CEP192: variants seen among roughly 807,000 people sequenced by gnomAD.
CEP192 encodes centrosomal protein of 192 kDa.
In CEP192, 151 loss-of-function variants were observed where a neutral mutation model predicts 271.8. That is an observed-to-expected ratio of 0.56 (90% CI 0.49 to 0.64). The LOEUF (loss-of-function observed/expected upper bound fraction) is 0.64, where lower values mean the gene tolerates loss of function less well. Among genes scored for constraint, CEP192 ranks in the 30% least tolerant of loss-of-function variants. The probability of loss-of-function intolerance (pLI) is 0.00; values close to 1 mark genes in which losing one functional copy is unlikely to be tolerated. For missense variants in CEP192, 2,910 were observed against 3,020.5 expected, an observed-to-expected ratio of 0.96 and a Z score of 0.86; for synonymous variants, 995 against 1,076.5, an observed-to-expected ratio of 0.92 and a Z score of 1.48.
chr18:13,002,153 C>T (rs1249723825), intron 3 of CEP192, among the ~76,000 whole-genome samples: 1 of 152,154 alleles, frequency 6.6e-6, no homozygotes, highest in South Asian at 2.1e-4. Flanking sequence ...TGTAATCCCA[C>T]TAACTAGAGA....
In CEP192 at chr18:13,011,640, G is replaced by T. The variant is rs776621403; in HGVS notation, c.467-1333G>T. Among the ~76,000 whole-genome samples the T allele has an allele frequency of 9.9e-5, 15 of 152,018 alleles. No individual in the cohort carries two copies. The South Asian group carries it at 1.7e-3, about 17-fold the overall frequency. On this transcript the variant is annotated intron_variant, in intron 4 of 44. Coordinates refer to ENST00000506447, the MANE Select transcript of CEP192 (RefSeq NM_032142.4). ...CCAGTGATTCTCCTGCCTCAGCCTC[G>T]CAAGTAGCTGGGATTACAGGCATGC...
In CEP192 at chr18:13,059,257, A is replaced by G; in HGVS notation, c.4433A>G (p.Glu1478Gly). ...STDAETIVQAEALASTVTLTA... is the reference protein window; with the variant it reads ...STDAETIVQAGALASTVTLTA... ...GATGCTGAGACCATCGTACAGGCAG[A>G]AGCTTTGGCCAGCACCGTCACTCTC... The change falls in exon 21 of 45, where the codon GAA becomes GGA. Residue 1478 changes from glutamate (E) to glycine (G), a missense_variant. Transcript: ENST00000506447. 1 of 1,614,222 alleles carries G rather than the reference A, an allele frequency of 6.2e-7. No individual in the cohort carries two copies. The highest frequency in any genetic ancestry group is 8.5e-7 in the Non-Finnish European group (1 of 1,180,024).
intron 30 of CEP192, among the ~76,000 whole-genome samples, chr18:13,079,591 G>T (rs1479189483): frequency 1.3e-5 from 2 of 152,152 alleles, no homozygotes; most frequent in Non-Finnish European, 2.9e-5. Context: ...TAGGTTGCCT[G>T]TTCACTCTGA....
In CEP192 at chr18:13,068,120, G is replaced by T. The variant is rs145173434; in HGVS notation, c.4641G>T (p.Thr1547=). 1.2e-6 allele frequency: 2 copies of T among 1,614,064 alleles called. No individual in the cohort carries two copies. The highest frequency in any genetic ancestry group is 1.3e-5 in the African/African-American group (1 of 74,932). ...ACGCTGTAGCCTGGCGCTGTTTCACGTTTTCCAAGGAATCCGTCCGAGCTC... is the reference window on the plus strand; with the variant it reads ...ACGCTGTAGCCTGGCGCTGTTTCACTTTTTCCAAGGAATCCGTCCGAGCTC... ...NANAVAWRCF[T]FSKESVRAPV... is the part of the protein sequence containing the mutation. Residue 1547 remains threonine, a synonymous_variant, in exon 23 of 45, where the codon ACG becomes ACT. Transcript: ENST00000506447.
rs373463615 is a variant in CEP192, at chr18:13,087,006, A to G, written c.5617-11A>G. On this transcript the variant is annotated splice_polypyrimidine_tract_variant and intron_variant, in intron 30 of 44. Transcript: ENST00000506447. Reference sequence around the variant, plus strand: ...CATTAAAATAATTTTGGATATGTATATCTTTTTTAGATACCTTTGTCTGGA... The same window carrying G: ...CATTAAAATAATTTTGGATATGTATGTCTTTTTTAGATACCTTTGTCTGGA... 8 of 1,584,646 alleles carry G rather than the reference A, an allele frequency of 5.0e-6. No homozygotes were observed. The highest frequency in any genetic ancestry group is 2.3e-5 in the South Asian group (2 of 88,420).
chr18:13,050,172 C>T (rs1303973276), intron 17 of CEP192, among the ~76,000 whole-genome samples: 1 of 151,936 alleles, frequency 6.6e-6, no homozygotes, highest in African/African-American at 2.4e-5. Flanking sequence ...CTGGTGAAGA[C>T]TTTGTATCTT....
chr18:13,068,413 A>T lies in CEP192; in HGVS notation c.4813A>T (p.Ser1605Cys). ...VLFHSPKKQI[S>C]SSDILDSAEE... ...TTTCCATAGTCCAAAGAAACAGATCAGCTCTTCAGGTATCATGTTTACACT... is the reference window on the plus strand; with the variant it reads ...TTTCCATAGTCCAAAGAAACAGATCTGCTCTTCAGGTATCATGTTTACACT... Residue 1605 changes from serine (S) to cysteine (C), a missense_variant, in exon 24 of 45, where the codon AGC becomes TGC. Ser to Cys is a moderately radical substitution (Grantham distance 112). Coordinates refer to ENST00000506447, the MANE Select transcript of CEP192 (RefSeq NM_032142.4). The T allele has an allele frequency of 6.2e-7, 1 of 1,610,468 alleles. No homozygotes were observed. The highest frequency in any genetic ancestry group is 1.1e-5 in the South Asian group (1 of 90,554).
intron 1 of CEP192, among the ~76,000 whole-genome samples, chr18:12,995,231 T>G (rs970080643): frequency 2.6e-5 from 4 of 151,848 alleles, no homozygotes; most frequent in Non-Finnish European, 5.9e-5. Context: ...CCGGCTAATT[T>G]TTTTTTTGTA....
At chr18:13,060,037 G>A (rs1477992854) in intron 21 of CEP192, among the ~76,000 whole-genome samples, 1 of 152,204 alleles carries the variant, frequency 6.6e-6, no homozygotes, top group Non-Finnish European at 1.5e-5. Context: ...CAGAATAGAG[G>A]AAAAGCAGAA....
chr18:13,081,305 A>C (rs1336908114), intron 30 of CEP192, among the ~76,000 whole-genome samples: 1 of 152,058 alleles, frequency 6.6e-6, no homozygotes, highest in Non-Finnish European at 1.5e-5. Context: ...TTATTGCCTT[A>C]ATTTTAGAGC....
Position 13,090,829 on chromosome 18 carries a change from A to G in CEP192, c.6103+1264A>G, listed in dbSNP as rs185826152. On this transcript the variant is annotated intron_variant, in intron 33 of 44. Transcript: ENST00000506447. ...AGCTGAACTGTGCTATGGAGATGGA[A>G]CACTAACACTTAGTAACATGGTGCA... Among the ~76,000 whole-genome samples the G allele has an allele frequency of 7.6e-3, 1,159 of 152,278 alleles. 14 individuals are homozygous for G. Among genetic ancestry groups the G allele is most frequent in the South Asian group, 0.029 (141 of 4,818 alleles).
At chr18:13,122,188 C>T (rs1304797279) in intron 44 of CEP192, among the ~76,000 whole-genome samples, 2 of 152,138 alleles carry the variant, frequency 1.3e-5, no homozygotes, top group African/African-American at 2.4e-5. Context: ...CTTTGGGAGG[C>T]GGAGGCGGGT....
intron 9 of CEP192, 102 bp downstream of exon 9, chr18:13,019,308 C>A: frequency 2.0e-6 from 2 of 999,838 alleles, no homozygotes; most frequent in Non-Finnish European, 2.7e-6. Context: ...TAACTGTTGA[C>A]TTCTGAAAAA....
chr18:13,055,542 T>C (rs1017939629), intron 18 of CEP192, among the ~76,000 whole-genome samples: 3 of 152,240 alleles, frequency 2.0e-5, no homozygotes, highest in African/African-American at 7.2e-5. Flanking sequence ...ATTCTTAGTG[T>C]ATACCTCCTA....
intron 21 of CEP192, among the ~76,000 whole-genome samples, chr18:13,067,387 C>A (rs558050430): frequency 6.6e-6 from 1 of 152,184 alleles, no homozygotes; most frequent in African/African-American, 2.4e-5. Context: ...GGAAGTGAGT[C>A]TGTCATGATC....
chr18:13,042,875 T>C (rs2036282214), intron 15 of CEP192, among the ~76,000 whole-genome samples: 1 of 152,236 alleles, frequency 6.6e-6, no homozygotes, highest in African/African-American at 2.4e-5. Flanking sequence ...TTTCCACTGC[T>C]GGACAATTAT....
At chr18:13,120,766 A>G (rs1345345573) in intron 44 of CEP192, among the ~76,000 whole-genome samples, 2 of 152,256 alleles carry the variant, frequency 1.3e-5, no homozygotes, top group Admixed American at 6.5e-5. Flanking sequence ...GGGTAAATGC[A>G]TAATAGTACT....
intron 34 of CEP192, among the ~76,000 whole-genome samples, chr18:13,094,530 G>A (rs1304841695): frequency 1.3e-5 from 2 of 152,018 alleles, no homozygotes; most frequent in East Asian, 1.9e-4. Context: ...CCTTCTTTGC[G>A]CACTTTCTTA....
intron 38 of CEP192, among the ~76,000 whole-genome samples, chr18:13,102,334 G>C (rs1017244397): frequency 6.6e-6 from 1 of 151,932 alleles, no homozygotes; most frequent in Admixed American, 6.6e-5. Flanking sequence ...CTCTCGGGGG[G>C]CTTCCTGTGG....
Sources: allele counts gnomAD v4.1 joint callset (sites outside exome capture counted in the v4.1 genomes callset), GRCh38; gene constraint gnomAD v4.1.1; transcripts MANE v1.5; gene names NCBI Gene and HGNC (gene_info 2026-07-23, HGNC 2026-07-21).